NLGN4X: variants seen among roughly 807,000 people sequenced by gnomAD.
NLGN4X encodes the protein neuroligin 4 X-linked, also known as neuroligin-4, X-linked.
NLGN4X carries 3 observed loss-of-function variants against 40.3 expected under a neutral mutation model. The ratio of observed to expected loss-of-function variants is 0.07; its 90% CI spans 0.03 to 0.19. NLGN4X has a LOEUF of 0.19. Ranked by LOEUF, NLGN4X falls within the 10% of genes least tolerant of loss-of-function variation. NLGN4X has a pLI of 1.00. For missense variants in NLGN4X, 382 were observed against 708.3 expected (o/e 0.54, Z 5.23); for synonymous variants, 270 against 306.8 (o/e 0.88, Z 1.25).
chrX:6,032,736 T>C, intron 2 of NLGN4X: 2 of 1,186,180 alleles, frequency 1.7e-6, no homozygotes, highest in East Asian at 3.0e-5. Flanking sequence ...TCTGCGTTTT[T>C]CTTTGTGTTG....
chrX:6,138,219 G>C (rs1481861083), intron 2 of NLGN4X, among the ~76,000 whole-genome samples: 2 of 111,816 alleles, frequency 1.8e-5, no homozygotes, highest in African/African-American at 3.3e-5. Context: ...TAAGCCAAGG[G>C]TTTAATGCAT....
intron 4 of NLGN4X, among the ~76,000 whole-genome samples, chrX:5,906,245 A>G (rs1320562680): frequency 8.9e-6 from 1 of 112,131 alleles, no homozygotes; most frequent in Non-Finnish European, 1.9e-5. Flanking sequence ...TTCTTCACTT[A>G]TCGTGTTTTT....
chrX:6,032,879 A>C (rs865929058), intron 2 of NLGN4X: 3 of 372,933 alleles, frequency 8.0e-6, no homozygotes, highest in African/African-American at 7.8e-5. Context: ...TAACACAAAA[A>C]GTTGAAATTT....
At chrX:5,943,114 G>A (rs1193920938) in intron 3 of NLGN4X, among the ~76,000 whole-genome samples, 2 of 111,488 alleles carry the variant, frequency 1.8e-5, no homozygotes, top group Non-Finnish European at 3.8e-5. Context: ...CTTGGGAAAG[G>A]AGACAAGAGG....
chrX:6,029,311 C>T lies in NLGN4X; in HGVS notation c.594G>A (p.Val198=). The T allele has an allele frequency of 8.3e-7, 1 of 1,211,188 alleles. No homozygotes were observed. The highest frequency in any genetic ancestry group is 1.1e-6 in the Non-Finnish European group (1 of 895,357). ...TTCCCAGACGGTAGTTAATGGTGAT[C>T]ACGATGACGTTTCCGTAGCTTGCCA... ...SILASYGNVI[V]ITINYRLGIL... Residue 198 remains valine (V), a synonymous_variant, in exon 3 of 6, where the codon GTG becomes GTA. Coordinates refer to ENST00000381095, the MANE Select transcript of NLGN4X (RefSeq NM_181332.3).
intron 3 of NLGN4X, among the ~76,000 whole-genome samples, chrX:6,005,957 T>C (rs1375290433): frequency 1.8e-5 from 2 of 111,717 alleles, no homozygotes; most frequent in Admixed American, 9.6e-5. Flanking sequence ...AAGTAGAGTA[T>C]ATAAGCATAT....
chrX:6,118,797 G>A (rs2039356930), intron 2 of NLGN4X, among the ~76,000 whole-genome samples: 1 of 111,123 alleles, frequency 9.0e-6, no homozygotes, highest in African/African-American at 3.3e-5. Flanking sequence ...CCTCTCAACG[G>A]CCTACTGTCC....
chrX:6,218,728 G>A (rs1180358085), intron 1 of NLGN4X, among the ~76,000 whole-genome samples: 1 of 111,816 alleles, frequency 8.9e-6, no homozygotes, highest in Non-Finnish European at 1.9e-5. Flanking sequence ...ACACTTTCAA[G>A]TATCTTCATA....
intron 1 of NLGN4X, among the ~76,000 whole-genome samples, chrX:6,202,011 A>G (rs5916329): frequency 0.11 from 12,553 of 111,251 alleles, 650 homozygotes; most frequent in African/African-American, 0.19. Flanking sequence ...GGAACAGACA[A>G]TCAGAAAAGT....
intron 1 of NLGN4X, among the ~76,000 whole-genome samples, chrX:6,166,139 C>T (rs2040491103): frequency 8.9e-6 from 1 of 112,676 alleles, no homozygotes; most frequent in East Asian, 2.8e-4. Flanking sequence ...ACTGTTTACG[C>T]TTATTGTACT....
intron 1 of NLGN4X, among the ~76,000 whole-genome samples, chrX:6,199,788 G>T (rs1274579669): frequency 8.9e-6 from 1 of 112,127 alleles, no homozygotes; most frequent in African/African-American, 3.2e-5. Flanking sequence ...TAATACAGAT[G>T]AGGAAGTTTT....
At position 6,223,773 on chromosome X, in the gene NLGN4X, T is replaced by C. The variant is rs768718139; in HGVS notation, c.-306+4768A>G. Among the ~76,000 whole-genome samples, 15 of 113,050 alleles carry C rather than the reference T, an allele frequency of 1.3e-4. No individual in the cohort carries two copies. In the South Asian group the frequency reaches 5.3e-3, roughly 40 times the overall value. On this transcript the variant is annotated intron_variant, in intron 1 of 5. Transcript: ENST00000381095. ...TTCCTCTAATTGACTGTGCAAAAGA[T>C]GTATCTTTGATTTAAAACTGGTAGC...
At chrX:6,182,128 T>C (rs1921515581) in intron 1 of NLGN4X, among the ~76,000 whole-genome samples, 1 of 111,786 alleles carries the variant, frequency 8.9e-6, no homozygotes, top group South Asian at 3.8e-4. Flanking sequence ...TCCTTCAACA[T>C]GCCTGAGACA....
chrX:5,896,947 T>G (rs1015003495), intron 5 of NLGN4X, among the ~76,000 whole-genome samples: 1 of 111,662 alleles, frequency 9.0e-6, no homozygotes, highest in African/African-American at 3.3e-5. Context: ...AAATACCTCA[T>G]TGGAACTTCT....
At chrX:6,180,460 C>T (rs760320500) in intron 1 of NLGN4X, among the ~76,000 whole-genome samples, 2 of 111,347 alleles carry the variant, frequency 1.8e-5, no homozygotes, top group South Asian at 3.8e-4. Flanking sequence ...CTTTACCTTC[C>T]GCCAAGATTG....
At chrX:6,031,288 T>C (rs2036851253) in intron 2 of NLGN4X, among the ~76,000 whole-genome samples, 1 of 111,835 alleles carries the variant, frequency 8.9e-6, no homozygotes, top group African/African-American at 3.2e-5. Context: ...ATTTGCTCAA[T>C]ACTGATAAAA....
chrX:6,094,383 C>G (rs2038709529), intron 2 of NLGN4X, among the ~76,000 whole-genome samples: 1 of 110,305 alleles, frequency 9.1e-6, no homozygotes, highest in South Asian at 3.9e-4. Flanking sequence ...GGTTAAAAAG[C>G]TGGTCCCAGC....
At chrX:6,070,593 A>G (rs2038035423) in intron 2 of NLGN4X, among the ~76,000 whole-genome samples, 1 of 112,092 alleles carries the variant, frequency 8.9e-6, no homozygotes, top group African/African-American at 3.2e-5. Flanking sequence ...AAATTAAAAA[A>G]TAAACATAAA....
intron 3 of NLGN4X, among the ~76,000 whole-genome samples, chrX:5,926,059 C>G (rs2033305047): frequency 9.7e-6 from 1 of 103,287 alleles, no homozygotes; most frequent in Non-Finnish European, 2.0e-5. Flanking sequence ...TGGGAGGAAC[C>G]AGGTGGAGAT....
Sources: gnomAD v4.1 joint callset for allele counts (sites outside exome capture counted in the v4.1 genomes callset) on GRCh38, gnomAD v4.1.1 for gene constraint, MANE v1.5 for transcripts, NCBI Gene and HGNC (gene_info 2026-07-23, HGNC 2026-07-21) for gene names.